KBTBD3: variants seen among roughly 807,000 people sequenced by gnomAD.
KBTBD3 encodes the protein kelch repeat and BTB domain-containing protein 3.
A neutral mutation model predicts 49.6 loss-of-function variants in KBTBD3; 38 were observed. That is an observed-to-expected ratio of 0.77 (90% CI 0.59 to 1.00). The LOEUF is 1.00. Among genes scored for constraint, KBTBD3 ranks in the 50% least tolerant of loss-of-function variants. The pLI is 0.00. For missense variants in KBTBD3, 661 were observed against 712.0 expected (o/e 0.93, Z 0.81); for synonymous variants, 214 against 250.4 (o/e 0.85, Z 1.37).
rs769937627 is a variant in KBTBD3 at position 106,053,889 on chromosome 11, C to T, written c.800G>A (p.Cys267Tyr). ...NEESLLKSTN[C>Y]FDIIMDAIKC... ...AATTGCATCCATGATTATGTCAAAACAGTTTGTGCTTTTGAGTAAACTCTC... is the reference window on the plus strand; with the variant it reads ...AATTGCATCCATGATTATGTCAAAATAGTTTGTGCTTTTGAGTAAACTCTC... Residue 267 changes from cysteine to tyrosine, a missense_variant, in exon 4 of 4, where the codon TGT becomes TAT. Cys to Tyr is a radical substitution (Grantham distance 194). Coordinates refer to ENST00000531837, the MANE Select transcript of KBTBD3 (RefSeq NM_198439.3). 1.1e-5 allele frequency: 18 copies of T among 1,613,938 alleles called. No individual in the cohort carries two copies. The highest frequency in any genetic ancestry group is 1.5e-5 in the Non-Finnish European group (18 of 1,179,882).
intron 2 of KBTBD3, among the ~76,000 whole-genome samples, chr11:106,069,020 C>G (rs1485602036): frequency 6.6e-6 from 1 of 152,054 alleles, no homozygotes; most frequent in Non-Finnish European, 1.5e-5. Context: ...GGGGAAAACT[C>G]TTAGGAAAAG....
At chr11:106,054,754 G>T (rs1860518744) in intron 3 of KBTBD3, among the ~76,000 whole-genome samples, 1 of 151,660 alleles carries the variant, frequency 6.6e-6, no homozygotes, top group Non-Finnish European at 1.5e-5. Flanking sequence ...ATACTATTGG[G>T]GCAAAATCTT....
intron 2 of KBTBD3, among the ~76,000 whole-genome samples, chr11:106,073,065 G>A (rs533814214): frequency 1.3e-5 from 2 of 152,108 alleles, no homozygotes; most frequent in South Asian, 4.2e-4. Context: ...CTTATACAGT[G>A]CTTATAATGT....
At chr11:106,068,501 G>A (rs1860854530) in intron 2 of KBTBD3, among the ~76,000 whole-genome samples, 1 of 152,252 alleles carries the variant, frequency 6.6e-6, no homozygotes, top group South Asian at 2.1e-4. Flanking sequence ...AAAATAGTGT[G>A]AGAGGAAAAT....
At chr11:106,065,653 CATT>C (rs1336939375) in intron 2 of KBTBD3, among the ~76,000 whole-genome samples, 1 of 151,988 alleles carries the variant, frequency 6.6e-6, no homozygotes, top group Non-Finnish European at 1.5e-5. Context: ...AATTTATAGA[CATT>C]ATTCTTTTAA....
At chr11:106,065,711 A>AG (rs1207264307) in intron 2 of KBTBD3, among the ~76,000 whole-genome samples, 1 of 152,250 alleles carries the variant, frequency 6.6e-6, no homozygotes, top group Non-Finnish European at 1.5e-5. Context: ...CTGTAATCCC[A>AG]GCACTTTGGG....
intron 3 of KBTBD3, 35 bp from the exon 4 acceptor site, chr11:106,054,490 A>G: frequency 7.0e-7 from 1 of 1,433,290 alleles, no homozygotes; most frequent in Non-Finnish European, 9.2e-7. Flanking sequence ...AACAGCAAGA[A>G]TATTTTATTC....
At chr11:106,075,335 G>A (rs1248146188) in intron 2 of KBTBD3, among the ~76,000 whole-genome samples, 1 of 152,162 alleles carries the variant, frequency 6.6e-6, no homozygotes, top group African/African-American at 2.4e-5. Context: ...AGTAAAGGCA[G>A]ATAGAATATA....
intron 3 of KBTBD3, among the ~76,000 whole-genome samples, chr11:106,054,931 T>C (rs1032095291): frequency 6.6e-6 from 1 of 152,114 alleles, no homozygotes; most frequent in African/African-American, 2.4e-5. Context: ...GTAAGATACC[T>C]GATGTCTCCA....
chr11:106,060,655 A>T (rs2135006256), intron 2 of KBTBD3, among the ~76,000 whole-genome samples: 1 of 152,354 alleles, frequency 6.6e-6, no homozygotes, highest in African/African-American at 2.4e-5. Context: ...GATGGATTAG[A>T]GACTTAAGTG....
chr11:106,066,821 A>AAACAAC (rs1029260800), intron 2 of KBTBD3, among the ~76,000 whole-genome samples: 2 of 151,804 alleles, frequency 1.3e-5, no homozygotes, highest in Admixed American at 1.3e-4. Context: ...AAAAAAACAA[A>AAACAAC]AACAACAACA....
intron 2 of KBTBD3, among the ~76,000 whole-genome samples, chr11:106,071,452 C>T (rs2135022638): frequency 6.6e-6 from 1 of 152,178 alleles, no homozygotes; most frequent in South Asian, 2.1e-4. Flanking sequence ...AAGTGGACCA[C>T]ATGATGTAAA....
rs1860425518 is a variant in KBTBD3, at chr11:106,051,855, T to C, written c.*995A>G. 1 of 151,886 alleles carries C rather than the reference T, an allele frequency of 6.6e-6. No homozygotes were observed. The highest frequency in any genetic ancestry group is 2.1e-4 in the South Asian group (1 of 4,830). 9.4% of individuals were successfully genotyped at this position (151,886 alleles called of 1,614,324 possible). ...AGTAGTAAACCAACATAGTGCTTTA[T>C]AGTTGGTATACATCATCACAGAAAA... On this transcript the variant is annotated 3_prime_UTR_variant, in exon 4 of 4. Coordinates refer to ENST00000531837, the MANE Select transcript of KBTBD3 (RefSeq NM_198439.3).
Position 106,053,427 on chromosome 11 carries a change from A to C in KBTBD3, c.1262T>G (p.Leu421Arg). ...AGGATTGTAAGATTCAACATCTAAG[A>C]GACTTTTAATGTCCCGGGATCCTCT... ...KTRGSRDIKS[L>R]LDVESYNPLS... Residue 421 changes from leucine to arginine, a missense_variant, in exon 4 of 4, where the codon CTC becomes CGC. By Grantham distance (102) the Leu-to-Arg change is moderately radical. Coordinates refer to ENST00000531837, the MANE Select transcript of KBTBD3 (RefSeq NM_198439.3). 6.2e-7 allele frequency: 1 copy of C among 1,613,596 alleles called. No homozygotes were observed. Among genetic ancestry groups the C allele is most frequent in the Non-Finnish European group, 8.5e-7 (1 of 1,179,792 alleles).
Position 106,059,015 on chromosome 11 carries a change from A to G in KBTBD3, c.83T>C (p.Phe28Ser), listed in dbSNP as rs1860623486. Residue 28 changes from phenylalanine (F) to serine (S), a missense_variant, in exon 3 of 4, where the codon TTC becomes TCC. Coordinates refer to ENST00000531837, the MANE Select transcript of KBTBD3 (RefSeq NM_198439.3). Reference protein sequence around the residue: ...NGIPSEKKNNFLVSEDHGQKI... With the variant: ...NGIPSEKKNNSLVSEDHGQKI... The stretch of plus-strand genomic sequence containing the variant: ...TTGTCCATGATCTTCTGATACAAGG[A>G]AGTTGTTTTTCTTCTCAGATGGAAT... 5 of 1,559,918 alleles carry G rather than the reference A, an allele frequency of 3.2e-6. No individual in the cohort carries two copies. The East Asian group carries it at 1.2e-4, about 36-fold the overall frequency.
chr11:106,077,305 C>T lies in KBTBD3; in HGVS notation c.-214+7G>A, dbSNP rs980763619. ...CACTCCTCCCTCAGACCCCGGAGCT[C>T]ACCCACCTGCAACTGCAGTCTCCGA... On this transcript the variant is annotated splice_region_variant and intron_variant, in intron 1 of 3. Coordinates refer to ENST00000531837, the MANE Select transcript of KBTBD3 (RefSeq NM_198439.3). The T allele has an allele frequency of 1.0e-5, 2 of 192,848 alleles. No homozygotes were observed. Among genetic ancestry groups the T allele is most frequent in the South Asian group, 1.5e-4 (2 of 13,524 alleles). 11.9% of individuals were successfully genotyped at this position (192,848 alleles called of 1,614,324 possible). A position where few individuals can be genotyped will look rare whatever the true frequency, so the allele number is the denominator to read the frequency against.
chr11:106,053,178 G>A lies in KBTBD3; in HGVS notation c.1511C>T (p.Ala504Val), dbSNP rs1348510747. Residue 504 changes from alanine to valine, a missense_variant, in exon 4 of 4, where the codon GCT (alanine) becomes GTT (valine). By Grantham distance (64) the Ala-to-Val change is moderately conservative (BLOSUM62 0). Transcript: ENST00000531837. ...ATACAGTGTACAGTTTACTGGTACA[G>A]CTTTAATTAATGTTGCATGAAAAAA... ...GQFFHATLIK[A>V]VPVNCTLYIC... The A allele has an allele frequency of 3.1e-6, 5 of 1,613,468 alleles. No homozygotes were observed. The highest frequency in any genetic ancestry group is 1.7e-5 in the Admixed American group (1 of 59,892).
intron 2 of KBTBD3, among the ~76,000 whole-genome samples, chr11:106,061,613 C>T (rs983579480): frequency 6.6e-6 from 1 of 151,974 alleles, no homozygotes; most frequent in African/African-American, 2.4e-5. Flanking sequence ...GAACAAAAGG[C>T]TGAATAAGAA....
chr11:106,055,729 G>A (rs555154196), intron 3 of KBTBD3, among the ~76,000 whole-genome samples: 48 of 152,248 alleles, frequency 3.2e-4, no homozygotes, highest in Admixed American at 1.5e-3. Context: ...TTCTTCATCT[G>A]AAAATGCAGG....
Sources: gnomAD v4.1 joint callset for allele counts (sites outside exome capture counted in the v4.1 genomes callset) on GRCh38, gnomAD v4.1.1 for gene constraint, MANE v1.5 for transcripts, NCBI Gene and HGNC (gene_info 2026-07-23, HGNC 2026-07-21) for gene names.